Variants in RBM25 observed in about 807,000 individuals in gnomAD.
RBM25 encodes the protein RNA binding motif protein 25.
RBM25 carries 19 observed loss-of-function variants against 120.7 expected under a neutral mutation model. The ratio of observed to expected loss-of-function variants is 0.16; its 90% CI spans 0.11 to 0.23. The LOEUF (loss-of-function observed/expected upper bound fraction) is 0.23. Ranked by LOEUF, RBM25 falls within the 10% of genes least tolerant of loss-of-function variation. The pLI, the probability that RBM25 is intolerant of heterozygous loss-of-function variation, is 1.00. For synonymous variants in RBM25, 390 were observed against 326.7 expected, an observed-to-expected ratio of 1.19 and a Z score of -2.09; for missense variants, 605 against 1,041.5, an observed-to-expected ratio of 0.58 and a Z score of 5.77.
At chr14:73,083,959 G>A (rs1000608705) in intron 5 of RBM25, among the ~76,000 whole-genome samples, 11 of 150,704 alleles carry the variant, frequency 7.3e-5, no homozygotes, top group Admixed American at 4.0e-4. Flanking sequence ...GTGCAGTGGC[G>A]TGATCTTGGC....
chr14:73,061,230 G>A (rs1324135984), intron 1 of RBM25, among the ~76,000 whole-genome samples: 1 of 150,554 alleles, frequency 6.6e-6, no homozygotes, highest in African/African-American at 2.4e-5. Flanking sequence ...GCTAATTTTT[G>A]TATTTTTAGT....
chr14:73,060,199 C>G (rs184560927), intron 1 of RBM25, among the ~76,000 whole-genome samples: 1 of 151,238 alleles, frequency 6.6e-6, no homozygotes, highest in African/African-American at 2.4e-5. Context: ...CCACCACGCC[C>G]GGCTAATTTT....
chr14:73,103,589 A>G, intron 10 of RBM25, 111 bp downstream of exon 10: 1 of 1,431,296 alleles, frequency 7.0e-7, no homozygotes, highest in Non-Finnish European at 9.2e-7. Flanking sequence ...TGTGTGTGAG[A>G]CATTCTCACT....
chr14:73,114,986 C>T (rs1896394057), intron 18 of RBM25, among the ~76,000 whole-genome samples: 1 of 152,172 alleles, frequency 6.6e-6, no homozygotes, highest in African/African-American at 2.4e-5. Flanking sequence ...AAAAGTAGAA[C>T]AAATGACCTG....
intron 6 of RBM25, among the ~76,000 whole-genome samples, chr14:73,093,315 A>G (rs528079002): frequency 1.3e-5 from 2 of 152,356 alleles, no homozygotes; most frequent in South Asian, 2.1e-4. Context: ...TTTGGATTCT[A>G]GACCTCAGTG....
chr14:73,085,626 T>A (rs1052711585), intron 5 of RBM25, among the ~76,000 whole-genome samples: 4 of 151,798 alleles, frequency 2.6e-5, no homozygotes, highest in African/African-American at 4.8e-5. Context: ...TTGGTTTTTT[T>A]AATAGAGGCG....
At chr14:73,090,757 G>C (rs1320701141) in intron 6 of RBM25, among the ~76,000 whole-genome samples, 1 of 152,064 alleles carries the variant, frequency 6.6e-6, no homozygotes, top group East Asian at 1.9e-4. Flanking sequence ...AAGTTTGTGG[G>C]CTGTGTCTCT....
intron 9 of RBM25, 162 bp downstream of exon 9, chr14:73,099,912 T>C (rs111813090): frequency 2.7e-6 from 3 of 1,123,012 alleles, no homozygotes; most frequent in South Asian, 2.4e-5. Context: ...ACCAATACCA[T>C]ATTAAAGTGG....
chr14:73,091,028 A>G (rs1029875686), intron 6 of RBM25, among the ~76,000 whole-genome samples: 1 of 152,220 alleles, frequency 6.6e-6, no homozygotes, highest in Admixed American at 6.5e-5. Flanking sequence ...GAAAGTATGG[A>G]TTCAGTATCT....
chr14:73,106,154 T>C, intron 11 of RBM25, 42 bp from the exon 12 acceptor site: 1 of 1,577,844 alleles, frequency 6.3e-7, no homozygotes, highest in Non-Finnish European at 8.6e-7. Flanking sequence ...TATAGAATGC[T>C]ATGTATAAAT....
chr14:73,110,843 G>A lies in RBM25; in HGVS notation c.1705G>A (p.Ala569Thr). The A allele has an allele frequency of 6.2e-7, 1 of 1,609,460 alleles. No homozygotes were observed. The highest frequency in any genetic ancestry group is 8.5e-7 in the Non-Finnish European group (1 of 1,178,800). The change falls in exon 15 of 19, where the codon GCT (alanine) becomes ACT (threonine). Residue 569 changes from alanine (A) to threonine (T), a missense_variant. Physicochemically the swap from Ala to Thr is moderately conservative, Grantham distance 58 (BLOSUM62 0). Around this residue, in one of 4 missense-constraint regions of RBM25, gnomAD observed 465 missense variants for 741.6 expected, o/e 0.63. Coordinates refer to ENST00000261973, the MANE Select transcript of RBM25 (RefSeq NM_021239.3). ...DAELQRMEQE[A>T]ERRRQPQIKQ... ...GTTTGGGTTTTAGATGGAACAAGAG[G>A]CTGAGAGGCGCAGGCAGCCACAAAT...
At chr14:73,093,285 A>G (rs1193335130) in intron 6 of RBM25, among the ~76,000 whole-genome samples, 1 of 152,186 alleles carries the variant, frequency 6.6e-6, no homozygotes, top group African/African-American at 2.4e-5. Context: ...ATTTCCTTAA[A>G]TTTTTTAAAA....
rs563174711 is a variant in RBM25 at position 73,086,886 on chromosome 14, G to A, written c.383-1115G>A. 5.3e-5 allele frequency among the ~76,000 whole-genome samples: 8 copies of A among 152,206 alleles called. No individual in the cohort carries two copies. The South Asian group carries it at 6.2e-4, about 12-fold the overall frequency. On this transcript the variant is annotated intron_variant, in intron 5 of 18. Transcript: ENST00000261973. Reference sequence around the variant, plus strand: ...CACCCAGCTAGTTTTTGTATTTTTAGTAGAGAGAGGGTTTCACCATGTTGG... The same window carrying A: ...CACCCAGCTAGTTTTTGTATTTTTAATAGAGAGAGGGTTTCACCATGTTGG...
At chr14:73,071,790 T>C (rs370944805) in intron 2 of RBM25, 43 bp downstream of exon 2, 106 of 1,478,354 alleles carry the variant, frequency 7.2e-5, no homozygotes, top group Non-Finnish European at 9.2e-5. Context: ...ACTTGTACTT[T>C]TGTCTTTGTG....
At chr14:73,082,681 TGTTTTTGTTTATAGTTAGA>T (rs1895590461) in intron 4 of RBM25, among the ~76,000 whole-genome samples, 1 of 152,250 alleles carries the variant, frequency 6.6e-6, no homozygotes, top group Non-Finnish European at 1.5e-5. Flanking sequence ...TACAGAAAGC[TGTTTTTGTTTATAGTTAGA>T]GTCTTGCTGT....
intron 4 of RBM25, among the ~76,000 whole-genome samples, chr14:73,078,501 A>G (rs1272509820): frequency 2.0e-5 from 3 of 152,044 alleles, no homozygotes; most frequent in Non-Finnish European, 2.9e-5. Context: ...AAATATATAA[A>G]ATTGATATAA....
At chr14:73,100,389 A>G (rs1896033226) in intron 9 of RBM25, 1 of 617,468 alleles carries the variant, frequency 1.6e-6, no homozygotes, top group East Asian at 2.9e-5. Flanking sequence ...GTTTTTTATT[A>G]TATTTATGGA....
chr14:73,103,271 G>A lies in RBM25; in HGVS notation c.947G>A (p.Arg316His), dbSNP rs937283743. 5.0e-6 allele frequency: 8 copies of A among 1,594,024 alleles called. No individual in the cohort carries two copies. The highest frequency in any genetic ancestry group is 1.7e-4 in the Middle Eastern group (1 of 6,058). The change falls in exon 10 of 19, where the codon CGT becomes CAT. Residue 316 changes from arginine to histidine, a missense_variant. By Grantham distance (29) the Arg-to-His change is conservative (BLOSUM62 0). Around this residue, in one of 4 missense-constraint regions of RBM25, gnomAD observed 465 missense variants for 741.6 expected, o/e 0.63. Coordinates refer to ENST00000261973, the MANE Select transcript of RBM25 (RefSeq NM_021239.3). Reference sequence around the variant, plus strand: ...GAACGGAGAGAAAGAGAGAGGGAGCGTGAAAGGGAACGAGAAAGGCGAGAA... The same window carrying A: ...GAACGGAGAGAAAGAGAGAGGGAGCATGAAAGGGAACGAGAAAGGCGAGAA... Reference protein sequence around the residue: ...EKERRERERERERERERRERE... With the variant: ...EKERREREREHERERERRERE...
Position 73,099,256 on chromosome 14 carries a change from CAAG to C in RBM25, c.730-121_730-119del. The C allele has an allele frequency of 4.8e-6, 4 of 830,504 alleles. 1 individual carries two copies. The South Asian group carries it at 7.5e-5, about 16-fold the overall frequency. 51.4% of individuals were successfully genotyped at this position (830,504 alleles called of 1,614,324 possible). On this transcript the variant is annotated intron_variant, in intron 7 of 18. Transcript: ENST00000261973. Reference sequence around the variant, plus strand: ...CTTCTATTCCCAAGTAATTTGAAATCAAGAAAGCATCACAGAAGTGTACTGTAT... The same window carrying C: ...CTTCTATTCCCAAGTAATTTGAAATCAAAGCATCACAGAAGTGTACTGTAT...
Sources: allele counts gnomAD v4.1 joint callset (sites outside exome capture counted in the v4.1 genomes callset), GRCh38; gene constraint gnomAD v4.1.1; regional missense constraint gnomAD v4.1.1; transcripts MANE v1.5; gene names NCBI Gene and HGNC (gene_info 2026-07-23, HGNC 2026-07-21).